Variants in PAPPA observed in about 807,000 individuals in gnomAD.
The protein encoded by PAPPA is pappalysin-1.
Under a neutral mutation model 164.0 loss-of-function variants are expected in PAPPA, and 60 were observed. The observed-to-expected ratio is 0.37, with a 90% CI of 0.30 to 0.45. The LOEUF (loss-of-function observed/expected upper bound fraction) is 0.45, where lower values mean the gene tolerates loss of function less well. Among genes scored for constraint, PAPPA ranks in the 20% least tolerant of loss-of-function variants. The pLI, the probability that PAPPA is intolerant of heterozygous loss-of-function variation, is 1.00. For synonymous variants in PAPPA, 875 were observed against 814.1 expected (o/e 1.07, Z -1.27); for missense variants, 1,782 against 2,087.3 (o/e 0.85, Z 2.85).
intron 6 of PAPPA, 95 bp from the exon 7 acceptor site, chr9:116,235,044 A>G: frequency 9.9e-6 from 14 of 1,420,166 alleles, no homozygotes; most frequent in Non-Finnish European, 1.3e-5. Flanking sequence ...TCTAAGTTCT[A>G]GTCAGACCAA....
chr9:116,335,024 C>T lies in PAPPA; in HGVS notation c.3561C>T (p.Val1187=). ...ALRSFDNFDP[V]TLSSCQRGET... is the part of the protein sequence containing the mutation. ...GTTCCTTCGACAACTTTGACCCCGT[C>T]ACCCTGAGCAGCTGCCAGAGAGGGG... is the stretch of plus-strand genomic sequence containing the variant. Residue 1187 remains valine, a synonymous_variant, in exon 13 of 22, where the codon GTC becomes GTT. Coordinates refer to ENST00000328252, the MANE Select transcript of PAPPA (RefSeq NM_002581.5). The T allele has an allele frequency of 1.2e-6, 2 of 1,613,854 alleles. No homozygotes were observed. Among genetic ancestry groups the T allele is most frequent in the Middle Eastern group, 1.6e-4 (1 of 6,062 alleles).
intron 12 of PAPPA, 83 bp from the exon 13 acceptor site, chr9:116,334,778 C>T (rs1846038895): frequency 3.0e-6 from 3 of 984,468 alleles, no homozygotes; most frequent in Non-Finnish European, 3.2e-6. Flanking sequence ...GGTCTGGGGG[C>T]TTCGGGAAGG....
At chr9:116,353,941 A>G (rs1846318479) in intron 17 of PAPPA, 148 bp downstream of exon 17, 1 of 541,676 alleles carries the variant, frequency 1.8e-6, no homozygotes, top group African/African-American at 2.0e-5. Context: ...TGATTTGCTC[A>G]GAGATTCTTA....
In PAPPA at chr9:116,154,155, C is replaced by T; in HGVS notation, c.-18C>T. 2 of 464,988 alleles carry T rather than the reference C, an allele frequency of 4.3e-6. No individual in the cohort carries two copies. Among genetic ancestry groups the T allele is most frequent in the South Asian group, 2.9e-5 (1 of 33,998 alleles). The allele number at this position is 464,988 out of a possible 1,614,324, so 28.8% of individuals were successfully genotyped here. Reference sequence around the variant, plus strand: ...TGGCGGTGCAGGGGCGAAGGGGGGGCGGGGGGAACCGTCGGACATGCGGCT... The same window carrying T: ...TGGCGGTGCAGGGGCGAAGGGGGGGTGGGGGGAACCGTCGGACATGCGGCT... On this transcript the variant is annotated 5_prime_UTR_variant, in exon 1 of 22. Transcript: ENST00000328252. This position sits in a 1 kb window ranked among gnomAD's most constrained non-coding sequence, Gnocchi z 5.2.
intron 1 of PAPPA, among the ~76,000 whole-genome samples, chr9:116,175,316 T>C (rs1843821544): frequency 6.6e-6 from 1 of 152,196 alleles, no homozygotes; most frequent in Admixed American, 6.5e-5. Context: ...AGAGATCTAT[T>C]ATACAACATG....
At chr9:116,250,417 C>T (rs1408525175) in intron 7 of PAPPA, among the ~76,000 whole-genome samples, 1 of 152,152 alleles carries the variant, frequency 6.6e-6, no homozygotes, top group East Asian at 1.9e-4. Flanking sequence ...GTCAAAAATG[C>T]CAGGACAGCT....
At chr9:116,282,594 G>A (rs1382512925) in intron 9 of PAPPA, among the ~76,000 whole-genome samples, 1 of 152,192 alleles carries the variant, frequency 6.6e-6, no homozygotes, top group Non-Finnish European at 1.5e-5. Flanking sequence ...GGCATTATAA[G>A]TAAGGAAATG....
At chr9:116,258,594 T>C in intron 7 of PAPPA, among the ~76,000 whole-genome samples, 1 of 151,516 alleles carries the variant, frequency 6.6e-6, no homozygotes, top group East Asian at 2.0e-4. Context: ...AGGCGGAGGT[T>C]GAGGTGAGCC....
chr9:116,285,627 T>G (rs1845329315), intron 9 of PAPPA, among the ~76,000 whole-genome samples: 1 of 152,154 alleles, frequency 6.6e-6, no homozygotes, highest in Admixed American at 6.5e-5. Context: ...GTCCCTCCTC[T>G]GTGCTCCCAC....
At chr9:116,164,112 A>G (rs1471852325) in intron 1 of PAPPA, among the ~76,000 whole-genome samples, 1 of 152,180 alleles carries the variant, frequency 6.6e-6, no homozygotes, top group African/African-American at 2.4e-5. Flanking sequence ...TGGACTTTGG[A>G]ATAGACCACC....
chr9:116,310,110 T>G (rs138155922), intron 10 of PAPPA, among the ~76,000 whole-genome samples: 1 of 152,166 alleles, frequency 6.6e-6, no homozygotes, highest in East Asian at 1.9e-4. Flanking sequence ...CTAATTAGAG[T>G]GTGCTATTTG....
At chr9:116,358,429 G>A (rs538184891) in intron 17 of PAPPA, among the ~76,000 whole-genome samples, 4 of 152,374 alleles carry the variant, frequency 2.6e-5, no homozygotes, top group African/African-American at 7.2e-5. Context: ...CAGCCACTGA[G>A]ATGAGCACGT....
At chr9:116,343,826 T>A (rs1194551162) in intron 13 of PAPPA, among the ~76,000 whole-genome samples, 2 of 152,126 alleles carry the variant, frequency 1.3e-5, no homozygotes, top group East Asian at 3.9e-4. Context: ...AATGGCGCAA[T>A]CTCAGCTCAC....
At position 116,243,522 on chromosome 9, in the gene PAPPA, T is replaced by C. The variant is rs555709306; in HGVS notation, c.2732+7885T>C. Among the ~76,000 whole-genome samples, 15 of 152,292 alleles carry C rather than the reference T, an allele frequency of 9.8e-5. No individual in the cohort carries two copies. In the South Asian group the frequency reaches 2.1e-3, roughly 21 times the overall value. On this transcript the variant is annotated intron_variant, in intron 7 of 21. Transcript: ENST00000328252. ...CATTGATTTAAGGTCCCCCAGTTAA[T>C]AGATGCTAAAGCCAAGTTTTATATC... is the stretch of plus-strand genomic sequence containing the variant.
chr9:116,178,202 G>A (rs1843860483), intron 1 of PAPPA, among the ~76,000 whole-genome samples: 2 of 152,190 alleles, frequency 1.3e-5, no homozygotes, highest in South Asian at 4.1e-4. Context: ...TGCCTCCTGG[G>A]TTCAAGTGAT....
chr9:116,186,489 G>T (rs192107422), intron 1 of PAPPA, among the ~76,000 whole-genome samples: 42 of 152,048 alleles, frequency 2.8e-4, no homozygotes, highest in Admixed American at 2.8e-3. Context: ...TCTTTCTTTG[G>T]GGATAAATGG....
At chr9:116,189,649 T>C (rs1454116959) in intron 2 of PAPPA, among the ~76,000 whole-genome samples, 1 of 152,172 alleles carries the variant, frequency 6.6e-6, no homozygotes, top group Non-Finnish European at 1.5e-5. Context: ...CTGGAGGAAC[T>C]AGATTCAAGC....
chr9:116,217,075 C>G (rs1419712647), intron 4 of PAPPA, among the ~76,000 whole-genome samples: 1 of 152,168 alleles, frequency 6.6e-6, no homozygotes, highest in Non-Finnish European at 1.5e-5. Flanking sequence ...ACATTCCTGT[C>G]TCCCTACTAG....
chr9:116,316,654 G>A (rs1226221327), intron 10 of PAPPA: 1 of 152,254 alleles, frequency 6.6e-6, no homozygotes, highest in East Asian at 1.9e-4. Context: ...GAAGCCTGGA[G>A]GGGCAGGCCA....
Sources: gnomAD v4.1 joint callset for allele counts (sites outside exome capture counted in the v4.1 genomes callset) on GRCh38, gnomAD v4.1.1 for gene constraint, Gnocchi (gnomAD v3.1) non-coding constraint, MANE v1.5 for transcripts, NCBI Gene and HGNC (gene_info 2026-07-23, HGNC 2026-07-21) for gene names.